SATL1: variants seen among roughly 807,000 people sequenced by gnomAD.
SATL1 encodes the protein spermidine/spermine N1-acetyl transferase like 1.
In SATL1, 47 loss-of-function variants were observed where a neutral mutation model predicts 51.8. That is an observed-to-expected ratio of 0.91 (90% CI 0.72 to 1.16). The LOEUF (loss-of-function observed/expected upper bound fraction) is 1.16, where lower values mean the gene tolerates loss of function less well. SATL1 is among the 50% of genes most tolerant of loss of function. The probability of loss-of-function intolerance (pLI) is 0.00; values close to 1 mark genes in which losing one functional copy is unlikely to be tolerated. For synonymous variants in SATL1, 176 were observed against 182.4 expected (o/e 0.97, Z 0.28); for missense variants, 520 against 526.4 (o/e 0.99, Z 0.12).
intron 2 of SATL1, among the ~76,000 whole-genome samples, chrX:85,133,463 C>T (rs1417171766): frequency 1.8e-5 from 2 of 112,470 alleles, no homozygotes; most frequent in African/African-American, 6.5e-5. Context: ...GAGCCATGCG[C>T]AGGATATAAT....
chrX:85,206,090 A>C (rs750193674), intron 2 of SATL1, among the ~76,000 whole-genome samples: 3 of 111,768 alleles, frequency 2.7e-5, no homozygotes, highest in Non-Finnish European at 5.7e-5. Context: ...AAGGATAAAA[A>C]ATTTTGGTTT....
At chrX:85,193,232 G>C (rs1471017739) in intron 2 of SATL1, among the ~76,000 whole-genome samples, 1 of 111,649 alleles carries the variant, frequency 9.0e-6, no homozygotes, top group Admixed American at 9.6e-5. Flanking sequence ...AGTCTAATGG[G>C]GAGGAAAAAT....
At chrX:85,157,114 T>G (rs1163392756) in intron 2 of SATL1, among the ~76,000 whole-genome samples, 1 of 108,719 alleles carries the variant, frequency 9.2e-6, no homozygotes, top group Non-Finnish European at 1.9e-5. Flanking sequence ...GCATACTAAG[T>G]CCTAGAATAT....
intron 2 of SATL1, chrX:85,153,619 G>A (rs1569238252): frequency 8.9e-6 from 1 of 111,942 alleles, no homozygotes; most frequent in African/African-American, 3.2e-5. Flanking sequence ...AGGTCTTAAG[G>A]AGAAATGTGA....
At chrX:85,212,453 G>A (rs1278454187) in intron 2 of SATL1, among the ~76,000 whole-genome samples, 1 of 111,356 alleles carries the variant, frequency 9.0e-6, no homozygotes, top group Non-Finnish European at 1.9e-5. Flanking sequence ...ACCCTAGTTT[G>A]AGTGAGAAAT....
At chrX:85,203,235 G>A (rs1326352114) in intron 2 of SATL1, among the ~76,000 whole-genome samples, 1 of 111,425 alleles carries the variant, frequency 9.0e-6, no homozygotes, top group African/African-American at 3.3e-5. Context: ...CTGGACCAAA[G>A]GCACCTTCAG....
intron 2 of SATL1, among the ~76,000 whole-genome samples, chrX:85,156,853 ATATATATATATATAT>A (rs1569238893): frequency 1.4e-3 from 56 of 40,165 alleles, no homozygotes; most frequent in African/African-American, 1.8e-3. Context: ...ATATATATAT[ATATATATATATATAT>A]AAAATATGTA....
chrX:85,104,430 A>T (rs1287626293), intron 3 of SATL1, among the ~76,000 whole-genome samples: 1 of 110,522 alleles, frequency 9.0e-6, no homozygotes, highest in Non-Finnish European at 1.9e-5. Flanking sequence ...AAAAATATTC[A>T]CTCGTTTTCT....
intron 2 of SATL1, among the ~76,000 whole-genome samples, chrX:85,127,786 C>T (rs1301351702): frequency 1.8e-5 from 2 of 110,685 alleles, no homozygotes; most frequent in African/African-American, 3.3e-5. Context: ...CTAATGCTAT[C>T]CCTCCCCAGT....
intron 4 of SATL1, among the ~76,000 whole-genome samples, chrX:85,102,027 G>A (rs922142093): frequency 1.9e-5 from 2 of 108,088 alleles, no homozygotes; most frequent in African/African-American, 3.4e-5. Flanking sequence ...GAGGGAGGTC[G>A]GCAATGGGGA....
At chrX:85,128,146 C>T (rs1925676631) in intron 2 of SATL1, among the ~76,000 whole-genome samples, 1 of 111,375 alleles carries the variant, frequency 9.0e-6, no homozygotes, top group African/African-American at 3.3e-5. Context: ...ATTTATAATC[C>T]TTTGGGTATA....
chrX:85,175,437 T>A (rs1425899100), intron 2 of SATL1, among the ~76,000 whole-genome samples: 1 of 111,490 alleles, frequency 9.0e-6, no homozygotes, highest in Non-Finnish European at 1.9e-5. Context: ...AAATTACTAA[T>A]AAAATTTTAC....
intron 4 of SATL1, among the ~76,000 whole-genome samples, chrX:85,096,438 C>A (rs1435373813): frequency 1.8e-5 from 2 of 110,945 alleles, no homozygotes; most frequent in Non-Finnish European, 3.8e-5. Context: ...TCAGGTGGAA[C>A]AGGATATATC....
intron 2 of SATL1, among the ~76,000 whole-genome samples, chrX:85,183,278 T>C (rs73234621): frequency 0.11 from 11,901 of 109,790 alleles, 564 homozygotes; most frequent in South Asian, 0.17. Flanking sequence ...GGATCTACTT[T>C]CATTCTTGTG....
intron 4 of SATL1, among the ~76,000 whole-genome samples, chrX:85,096,846 C>G (rs1472719640): frequency 1.8e-4 from 17 of 93,590 alleles, no homozygotes; most frequent in South Asian, 6.7e-4. Flanking sequence ...CCAAACACCC[C>G]CCACCCCAGC....
intron 2 of SATL1, among the ~76,000 whole-genome samples, chrX:85,137,201 G>A (rs1330654937): frequency 9.0e-6 from 1 of 111,482 alleles, no homozygotes; most frequent in Non-Finnish European, 1.9e-5. Context: ...GAAGTTTATA[G>A]TTGGGGGCTG....
rs2066896 is a variant in SATL1, at chrX:85,242,021, C to A, written c.-435+1567G>T. On this transcript the variant is annotated intron_variant, in intron 1 of 7. Transcript: ENST00000644105. Reference sequence around the variant, plus strand: ...AGTTAAGAAGGCATGTGAACCTGAACAAGGTAATGATGTTAGGTAAAAGGG... The same window carrying A: ...AGTTAAGAAGGCATGTGAACCTGAAAAAGGTAATGATGTTAGGTAAAAGGG... Among the ~76,000 whole-genome samples, 893 of 111,907 alleles carry A rather than the reference C, an allele frequency of 8.0e-3. 10 individuals carry two copies. Among genetic ancestry groups the A allele is most frequent in the African/African-American group, 0.027 (836 of 30,760 alleles).
At chrX:85,182,825 C>T (rs936916231) in intron 2 of SATL1, among the ~76,000 whole-genome samples, 1 of 111,362 alleles carries the variant, frequency 9.0e-6, no homozygotes, top group African/African-American at 3.3e-5. Flanking sequence ...ATATCAATTT[C>T]CCTGATGATT....
intron 2 of SATL1, among the ~76,000 whole-genome samples, chrX:85,176,493 C>T (rs1378657399): frequency 9.0e-6 from 1 of 111,278 alleles, no homozygotes; most frequent in African/African-American, 3.3e-5. Context: ...ATAAATCTAT[C>T]GTACATCTAT....
Sources: gnomAD v4.1 joint callset for allele counts (sites outside exome capture counted in the v4.1 genomes callset) on GRCh38, gnomAD v4.1.1 for gene constraint, MANE v1.5 for transcripts, NCBI Gene and HGNC (gene_info 2026-07-23, HGNC 2026-07-21) for gene names.